Variants in EPHA3 observed in about 807,000 individuals in gnomAD.
EPHA3 encodes EPH receptor A3.
In EPHA3, 42 loss-of-function variants were observed where a neutral mutation model predicts 107.1. The observed-to-expected ratio is 0.39, with a 90% CI of 0.31 to 0.51. The LOEUF is 0.51. EPHA3 is among the 20% of genes least tolerant of loss of function. The pLI, the probability that EPHA3 is intolerant of heterozygous loss-of-function variation, is 0.78. For missense variants in EPHA3, 1,183 were observed against 1,211.2 expected, an observed-to-expected ratio of 0.98 and a Z score of 0.35; for synonymous variants, 461 against 424.8, an observed-to-expected ratio of 1.09 and a Z score of -1.05.
chr3:89,239,833 G>C (rs1704852971), intron 3 of EPHA3, among the ~76,000 whole-genome samples: 1 of 152,150 alleles, frequency 6.6e-6, no homozygotes, highest in Non-Finnish European at 1.5e-5. Context: ...TCATGTTTCA[G>C]TATGCTTTCC....
At chr3:89,445,816 A>G (rs778386480) in intron 13 of EPHA3, among the ~76,000 whole-genome samples, 3 of 152,236 alleles carry the variant, frequency 2.0e-5, no homozygotes, top group Non-Finnish European at 4.4e-5. Flanking sequence ...TTTCACAGGT[A>G]TCTACTGCAC....
At chr3:89,155,485 G>C (rs1343564327) in intron 2 of EPHA3, among the ~76,000 whole-genome samples, 1 of 151,946 alleles carries the variant, frequency 6.6e-6, no homozygotes, top group African/African-American at 2.4e-5. Flanking sequence ...TGCTCATATA[G>C]ATAAAAGAGT....
chr3:89,327,727 C>T (rs1486851384), intron 3 of EPHA3, among the ~76,000 whole-genome samples: 3 of 151,994 alleles, frequency 2.0e-5, no homozygotes, highest in Non-Finnish European at 4.4e-5. Context: ...GTCTTGAGAA[C>T]TGTGCTTTTT....
intron 6 of EPHA3, among the ~76,000 whole-genome samples, chr3:89,396,631 T>C (rs531428519): frequency 6.6e-6 from 1 of 152,292 alleles, no homozygotes; most frequent in African/African-American, 2.4e-5. Context: ...AATAACTCAT[T>C]TTTTTTCTGG....
intron 3 of EPHA3, among the ~76,000 whole-genome samples, chr3:89,301,263 G>A (rs1464817655): frequency 2.0e-5 from 3 of 152,060 alleles, no homozygotes; most frequent in East Asian, 1.9e-4. Flanking sequence ...ATTGTAGGAC[G>A]AATGTACAGC....
At chr3:89,254,470 C>A (rs1705233800) in intron 3 of EPHA3, among the ~76,000 whole-genome samples, 1 of 152,150 alleles carries the variant, frequency 6.6e-6, no homozygotes, top group African/African-American at 2.4e-5. Context: ...TCAGGCACCT[C>A]TGCCTCATCT....
intron 5 of EPHA3, among the ~76,000 whole-genome samples, chr3:89,386,536 A>G (rs1011797445): frequency 2.0e-5 from 3 of 152,242 alleles, no homozygotes; most frequent in Admixed American, 2.0e-4. Context: ...AAATGCCTGG[A>G]TGTCCAGTCA....
rs548223430 is a variant in EPHA3 at position 89,438,502 on chromosome 3, A to G, written c.2346+7143A>G. Among the ~76,000 whole-genome samples the G allele has an allele frequency of 1.4e-4, 22 of 152,116 alleles. 1 individual carries two copies. Among genetic ancestry groups the G allele is most frequent in the Admixed American group, 5.9e-4 (9 of 15,274 alleles). ...GAGGTTAAATATTTCCTTTCAGGTA[A>G]CTCCAATCTAAGAACATAAATAACA... On this transcript the variant is annotated intron_variant, in intron 13 of 16. Transcript: ENST00000336596.
intron 2 of EPHA3, among the ~76,000 whole-genome samples, chr3:89,147,826 C>A (rs74438928): frequency 0.013 from 2,028 of 151,910 alleles, 51 homozygotes; most frequent in African/African-American, 0.047. Flanking sequence ...CAAAATGACT[C>A]ATATATTAGT....
chr3:89,112,673 A>G (rs1707141691), intron 1 of EPHA3, among the ~76,000 whole-genome samples: 3 of 151,824 alleles, frequency 2.0e-5, no homozygotes, highest in African/African-American at 2.4e-5. Context: ...TGAAAGTTAC[A>G]TTTTCCAAGT....
intron 3 of EPHA3, among the ~76,000 whole-genome samples, chr3:89,282,450 A>G (rs1463155449): frequency 6.6e-6 from 1 of 152,100 alleles, no homozygotes; most frequent in Non-Finnish European, 1.5e-5. Flanking sequence ...GTCATCTGCT[A>G]TATACTTTTC....
chr3:89,174,797 G>T (rs1412800191), intron 2 of EPHA3, among the ~76,000 whole-genome samples: 2 of 151,756 alleles, frequency 1.3e-5, no homozygotes, highest in Non-Finnish European at 2.9e-5. Context: ...GCTTTGGAAA[G>T]AATTTATACT....
At chr3:89,221,165 C>G (rs1704364337) in intron 3 of EPHA3, among the ~76,000 whole-genome samples, 1 of 142,774 alleles carries the variant, frequency 7.0e-6, no homozygotes, top group Non-Finnish European at 1.5e-5. Context: ...CCTGCTTTAC[C>G]AGAAATAGTC....
At chr3:89,126,784 T>G (rs1265117951) in intron 1 of EPHA3, among the ~76,000 whole-genome samples, 12 of 151,696 alleles carry the variant, frequency 7.9e-5, no homozygotes, top group African/African-American at 2.7e-4. Flanking sequence ...ACAGATAAAT[T>G]GACTCATTCT....
intron 15 of EPHA3, among the ~76,000 whole-genome samples, chr3:89,452,562 A>G (rs1710015425): frequency 1.3e-5 from 2 of 152,140 alleles, no homozygotes; most frequent in Non-Finnish European, 2.9e-5. Context: ...TTTTGCTATC[A>G]AATTCTATGA....
chr3:89,213,865 C>G (rs1704164930), intron 3 of EPHA3, among the ~76,000 whole-genome samples: 1 of 151,940 alleles, frequency 6.6e-6, no homozygotes, highest in South Asian at 2.1e-4. Flanking sequence ...TTTCCTTTCT[C>G]TGAGGTTAAA....
chr3:89,219,688 G>GTGTTTTTTTTTTGTTTTTT, intron 3 of EPHA3, among the ~76,000 whole-genome samples: 1 of 34,440 alleles, frequency 2.9e-5, no homozygotes, highest in Admixed American at 4.0e-4. Flanking sequence ...ATTTGGCAAT[G>GTGTTTTTTTTTTGTTTTTT]TTTTTTTTTT....
intron 2 of EPHA3, among the ~76,000 whole-genome samples, chr3:89,172,135 A>G (rs1263694197): frequency 6.6e-6 from 1 of 151,870 alleles, no homozygotes; most frequent in Non-Finnish European, 1.5e-5. Flanking sequence ...TTATTAGCAT[A>G]TTGTTATAAA....
chr3:89,300,975 T>A (rs1706473845), intron 3 of EPHA3, among the ~76,000 whole-genome samples: 1 of 152,134 alleles, frequency 6.6e-6, no homozygotes, highest in African/African-American at 2.4e-5. Context: ...ACCACAGATG[T>A]CTTCAGCACT....
Sources: allele counts gnomAD v4.1 joint callset (sites outside exome capture counted in the v4.1 genomes callset), GRCh38; gene constraint gnomAD v4.1.1; transcripts MANE v1.5; gene names NCBI Gene and HGNC (gene_info 2026-07-23, HGNC 2026-07-21).